The following CAMK1D variants were observed in gnomAD, a reference collection of about 807,000 sequenced individuals.
CAMK1D encodes calcium/calmodulin dependent protein kinase ID, also known as calcium/calmodulin-dependent protein kinase type 1D.
In CAMK1D, 9 loss-of-function variants were observed where a neutral mutation model predicts 47.7. The observed-to-expected ratio is 0.19, with a 90% CI of 0.11 to 0.33. The LOEUF (loss-of-function observed/expected upper bound fraction) is 0.33, where lower values mean the gene tolerates loss of function less well. CAMK1D is among the 10% of genes least tolerant of loss of function. The pLI, the probability that CAMK1D is intolerant of heterozygous loss-of-function variation, is 1.00. For missense variants in CAMK1D, 291 were observed against 488.7 expected (o/e 0.60, Z 3.81); for synonymous variants, 184 against 184.9 (o/e 0.99, Z 0.04).
chr10:12,581,880 C>A (rs1338403723), intron 2 of CAMK1D, among the ~76,000 whole-genome samples: 1 of 152,156 alleles, frequency 6.6e-6, no homozygotes, highest in Non-Finnish European at 1.5e-5. Context: ...TGAGCAGAAG[C>A]TTTTTAGTTT....
intron 6 of CAMK1D, among the ~76,000 whole-genome samples, chr10:12,801,306 T>TATCC (rs1462734443): frequency 8.0e-5 from 8 of 100,022 alleles, no homozygotes; most frequent in African/African-American, 3.6e-4. Context: ...TGTATCTATC[T>TATCC]ATCTATCTAT....
intron 1 of CAMK1D, among the ~76,000 whole-genome samples, chr10:12,479,203 T>C (rs1833991093): frequency 6.6e-6 from 1 of 152,068 alleles, no homozygotes; most frequent in African/African-American, 2.4e-5. Flanking sequence ...TTTTCTTTTT[T>C]TCTTTTTTTT....
chr10:12,823,852 G>A lies in CAMK1D; in HGVS notation c.834-613G>A, dbSNP rs535912591. On this transcript the variant is annotated intron_variant, in intron 8 of 10. Coordinates refer to ENST00000619168, the MANE Select transcript of CAMK1D (RefSeq NM_153498.4). Reference sequence around the variant, plus strand: ...TGTCACCCAGCATAGAGTGGGTGGGGGGCATGGGCTCACAGGTGTTGCCAA... The same window carrying A: ...TGTCACCCAGCATAGAGTGGGTGGGAGGCATGGGCTCACAGGTGTTGCCAA... Among the ~76,000 whole-genome samples the A allele has an allele frequency of 7.9e-5, 12 of 151,944 alleles. No individual in the cohort carries two copies. The South Asian group carries it at 2.3e-3, about 29-fold the overall frequency.
At chr10:12,555,792 C>T (rs905241407) in intron 2 of CAMK1D, among the ~76,000 whole-genome samples, 24 of 152,052 alleles carry the variant, frequency 1.6e-4, no homozygotes, top group African/African-American at 5.3e-4. Context: ...GGTGTGATTC[C>T]CTTAGGGCTG....
chr10:12,643,883 CAA>C (rs757215270), intron 2 of CAMK1D, among the ~76,000 whole-genome samples: 58 of 114,084 alleles, frequency 5.1e-4, no homozygotes, highest in Middle Eastern at 4.9e-3. Flanking sequence ...GACTCTGACT[CAA>C]AAAAAAAAAA....
At chr10:12,536,144 T>C (rs1419311854) in intron 1 of CAMK1D, among the ~76,000 whole-genome samples, 2 of 152,054 alleles carry the variant, frequency 1.3e-5, no homozygotes, top group Non-Finnish European at 2.9e-5. Context: ...CCCAAAAGTG[T>C]AGAAAAATAA....
chr10:12,824,378 T>C, intron 8 of CAMK1D, 87 bp from the exon 9 acceptor site: 1 of 1,161,194 alleles, frequency 8.6e-7, no homozygotes, highest in Non-Finnish European at 1.3e-6. Flanking sequence ...TCGGCTCTCC[T>C]GAGGCTAGGT....
At chr10:12,435,193 G>A (rs1040252077) in intron 1 of CAMK1D, among the ~76,000 whole-genome samples, 60 of 141,132 alleles carry the variant, frequency 4.3e-4, no homozygotes, top group African/African-American at 1.6e-3. Flanking sequence ...ACTGCACTCC[G>A]GCATGGGCGA....
At chr10:12,458,453 G>A (rs1262199163) in intron 1 of CAMK1D, among the ~76,000 whole-genome samples, 5 of 133,632 alleles carry the variant, frequency 3.7e-5, no homozygotes, top group Non-Finnish European at 5.2e-5. Context: ...GTCTTGCACT[G>A]TCACCCAGGC....
chr10:12,734,266 G>C (rs1588863214), intron 3 of CAMK1D, among the ~76,000 whole-genome samples: 1 of 141,128 alleles, frequency 7.1e-6, no homozygotes, highest in Admixed American at 7.3e-5. Flanking sequence ...AGGTTGCAGT[G>C]AGGCCGAGAT....
At chr10:12,717,335 G>A (rs922820589) in intron 3 of CAMK1D, among the ~76,000 whole-genome samples, 18 of 152,004 alleles carry the variant, frequency 1.2e-4, no homozygotes, top group African/African-American at 4.1e-4. Context: ...GAAAGCCACC[G>A]GATAGTCCTT....
chr10:12,641,619 C>CAA (rs572283072), intron 2 of CAMK1D, among the ~76,000 whole-genome samples: 14,923 of 127,394 alleles, frequency 0.12, 1,060 homozygotes, highest in African/African-American at 0.22. Flanking sequence ...ATCCCCATCT[C>CAA]AAAAAAAAAA....
At chr10:12,684,165 TGC>T (rs547123537) in intron 3 of CAMK1D, among the ~76,000 whole-genome samples, 333 of 152,304 alleles carry the variant, frequency 2.2e-3, no homozygotes, top group Middle Eastern at 0.014. Flanking sequence ...GAGGCCTGTG[TGC>T]AGGGACCCGG....
At chr10:12,626,455 T>G (rs1470571561) in intron 2 of CAMK1D, among the ~76,000 whole-genome samples, 1 of 150,708 alleles carries the variant, frequency 6.6e-6, no homozygotes, top group Non-Finnish European at 1.5e-5. Context: ...TCTTCTAGTA[T>G]TCACCAATTT....
At chr10:12,470,921 C>G (rs1833726259) in intron 1 of CAMK1D, among the ~76,000 whole-genome samples, 1 of 152,064 alleles carries the variant, frequency 6.6e-6, no homozygotes, top group Non-Finnish European at 1.5e-5. Flanking sequence ...TGTGTGTGTA[C>G]GTGCGTGCGT....
intron 2 of CAMK1D, among the ~76,000 whole-genome samples, chr10:12,572,840 C>T (rs146386122): frequency 2.1e-3 from 324 of 152,158 alleles, no homozygotes; most frequent in Admixed American, 4.4e-3. Flanking sequence ...AGTATGTTGC[C>T]CAGGCTGGTC....
chr10:12,499,633 T>C (rs1834641913), intron 1 of CAMK1D, among the ~76,000 whole-genome samples: 1 of 152,212 alleles, frequency 6.6e-6, no homozygotes, highest in African/African-American at 2.4e-5. Flanking sequence ...ATTTTTCTGC[T>C]CTTCTTCAAC....
chr10:12,573,114 C>T (rs1837377204), intron 2 of CAMK1D, among the ~76,000 whole-genome samples: 2 of 152,352 alleles, frequency 1.3e-5, no homozygotes, highest in East Asian at 1.9e-4. Context: ...TTCATTTGGA[C>T]ACTTCTTTCC....
chr10:12,801,295 G>GTATCTATCTATCTA (rs1302761160), intron 6 of CAMK1D, among the ~76,000 whole-genome samples: 1 of 108,748 alleles, frequency 9.2e-6, no homozygotes, highest in Admixed American at 1.0e-4. Flanking sequence ...CTGTCTGTGT[G>GTATCTATCTATCTA]TGTATCTATC....
Sources: allele counts gnomAD v4.1 joint callset (sites outside exome capture counted in the v4.1 genomes callset), GRCh38; gene constraint gnomAD v4.1.1; transcripts MANE v1.5; gene names NCBI Gene and HGNC (gene_info 2026-07-23, HGNC 2026-07-21).